The following FRMD5 variants were observed in gnomAD, a reference collection of about 807,000 sequenced individuals.
FRMD5 encodes FERM domain-containing protein 5.
In FRMD5, 20 loss-of-function variants were observed where a neutral mutation model predicts 69.0. The observed-to-expected ratio is 0.29, with a 90% CI of 0.20 to 0.42. FRMD5 has a LOEUF of 0.42. FRMD5 is among the 10% of genes least tolerant of loss of function. The pLI, the probability that FRMD5 is intolerant of heterozygous loss-of-function variation, is 1.00. For missense variants in FRMD5, 595 were observed against 708.6 expected (o/e 0.84, Z 1.82); for synonymous variants, 271 against 260.1 (o/e 1.04, Z -0.40).
rs375125086 is a variant in FRMD5, at chr15:44,006,513, A to G, written c.103-82204T>C. On this transcript the variant is annotated intron_variant, in intron 1 of 13. Coordinates refer to ENST00000417257, the MANE Select transcript of FRMD5 (RefSeq NM_032892.5). Reference sequence around the variant, plus strand: ...ATTTCATAAGACTATAGCTGCATGAATAGTGATTCCTCTGATGGATCTAGG... The same window carrying G: ...ATTTCATAAGACTATAGCTGCATGAGTAGTGATTCCTCTGATGGATCTAGG... Among the ~76,000 whole-genome samples, 6 of 152,380 alleles carry G rather than the reference A, an allele frequency of 3.9e-5. No individual in the cohort carries two copies. The East Asian group carries it at 9.6e-4, about 24-fold the overall frequency.
At position 44,021,276 on chromosome 15, in the gene FRMD5, T is replaced by C. The variant is rs114083515; in HGVS notation, c.103-96967A>G. On this transcript the variant is annotated intron_variant, in intron 1 of 13. Coordinates refer to ENST00000417257, the MANE Select transcript of FRMD5 (RefSeq NM_032892.5). ...ACACCAGCCTGGGCAAGACCCTGTCTCAAATATACATATATATGTAAGTTT... is the reference window on the plus strand; with the variant it reads ...ACACCAGCCTGGGCAAGACCCTGTCCCAAATATACATATATATGTAAGTTT... 4.4e-3 allele frequency among the ~76,000 whole-genome samples: 672 copies of C among 152,282 alleles called. 3 individuals carry two copies. Among genetic ancestry groups the C allele is most frequent in the African/African-American group, 0.016 (645 of 41,546 alleles).
intron 1 of FRMD5, among the ~76,000 whole-genome samples, chr15:44,034,214 ATGT>A (rs2140293465): frequency 6.6e-6 from 1 of 152,350 alleles, no homozygotes; most frequent in Non-Finnish European, 1.5e-5. Flanking sequence ...GTCTAATTGA[ATGT>A]TGTCTACTTG....
intron 1 of FRMD5, among the ~76,000 whole-genome samples, chr15:44,103,078 T>TA (rs1429428983): frequency 2.6e-4 from 39 of 152,150 alleles, no homozygotes; most frequent in Admixed American, 2.4e-3. Context: ...AGGACACACA[T>TA]GGTCAATTAG....
At chr15:44,038,363 C>T (rs868235662) in intron 1 of FRMD5, among the ~76,000 whole-genome samples, 8 of 151,934 alleles carry the variant, frequency 5.3e-5, no homozygotes, top group Middle Eastern at 6.3e-3. Context: ...GAACTCTTTG[C>T]CCATGCTTAT....
chr15:44,085,529 C>T (rs556278784), intron 1 of FRMD5, among the ~76,000 whole-genome samples: 19 of 152,072 alleles, frequency 1.2e-4, no homozygotes, highest in African/African-American at 4.6e-4. Flanking sequence ...CTATGGCAGC[C>T]CTGTGGGTGG....
At chr15:44,084,598 G>T (rs758894421) in intron 1 of FRMD5, among the ~76,000 whole-genome samples, 7 of 151,970 alleles carry the variant, frequency 4.6e-5, no homozygotes, top group Admixed American at 2.6e-4. Flanking sequence ...AACCTTTTTT[G>T]TATATTATCC....
chr15:43,924,093 G>T, intron 2 of FRMD5, 112 bp downstream of exon 2: 1 of 819,002 alleles, frequency 1.2e-6, no homozygotes, highest in Non-Finnish European at 2.1e-6. Flanking sequence ...CAACTGCAGG[G>T]TCTGGTTGGT....
At chr15:44,095,877 A>T (rs925571228) in intron 1 of FRMD5, among the ~76,000 whole-genome samples, 9 of 152,202 alleles carry the variant, frequency 5.9e-5, no homozygotes, top group African/African-American at 2.2e-4. Flanking sequence ...TTCCATCCTT[A>T]ACAGACTCCA....
chr15:44,119,935 G>A (rs1047955508), intron 1 of FRMD5, among the ~76,000 whole-genome samples: 2 of 152,090 alleles, frequency 1.3e-5, no homozygotes, highest in African/African-American at 2.4e-5. Context: ...GCATCTCAGA[G>A]GAAGTAACCA....
intron 1 of FRMD5, among the ~76,000 whole-genome samples, chr15:43,991,726 T>C (rs1312046302): frequency 6.6e-6 from 1 of 152,170 alleles, no homozygotes; most frequent in Non-Finnish European, 1.5e-5. Flanking sequence ...GCCTACCAGG[T>C]AAGGGATTGA....
chr15:43,933,446 T>C (rs907512235), intron 1 of FRMD5, among the ~76,000 whole-genome samples: 1 of 152,224 alleles, frequency 6.6e-6, no homozygotes, highest in Admixed American at 6.5e-5. Context: ...ATAGGTCTGC[T>C]GTGGGGCCTG....
intron 7 of FRMD5, among the ~76,000 whole-genome samples, chr15:43,900,933 G>A (rs140515316): frequency 1.3e-3 from 195 of 152,138 alleles, no homozygotes; most frequent in Non-Finnish European, 2.3e-3. Context: ...TTTGTTATGC[G>A]CTATACACTG....
intron 10 of FRMD5, among the ~76,000 whole-genome samples, chr15:43,886,541 C>T (rs1320395999): frequency 1.3e-5 from 2 of 152,192 alleles, no homozygotes; most frequent in East Asian, 3.9e-4. Context: ...CAGAGAGAAG[C>T]CTCCTAAGAT....
intron 1 of FRMD5, among the ~76,000 whole-genome samples, chr15:44,166,333 C>A (rs1026356850): frequency 6.6e-6 from 1 of 152,048 alleles, no homozygotes; most frequent in African/African-American, 2.4e-5. Context: ...AGGATAGTAA[C>A]CCTTTGGCAT....
intron 1 of FRMD5, among the ~76,000 whole-genome samples, chr15:44,128,934 A>G (rs1482678036): frequency 6.6e-6 from 1 of 152,180 alleles, no homozygotes; most frequent in African/African-American, 2.4e-5. Context: ...TTACTTTTGG[A>G]GAAGGTAGGC....
chr15:43,941,943 TAA>T (rs761892175), intron 1 of FRMD5, among the ~76,000 whole-genome samples: 4 of 152,212 alleles, frequency 2.6e-5, no homozygotes, highest in Non-Finnish European at 4.4e-5. Flanking sequence ...AGAAATATAT[TAA>T]GAGAATTACT....
chr15:44,070,619 G>A (rs776080072), intron 1 of FRMD5, among the ~76,000 whole-genome samples: 64 of 152,106 alleles, frequency 4.2e-4, no homozygotes, highest in Non-Finnish European at 3.7e-4. Flanking sequence ...TGATATATAC[G>A]CCACACTTGA....
chr15:43,925,837 G>A (rs1389222741), intron 1 of FRMD5, among the ~76,000 whole-genome samples: 1 of 152,172 alleles, frequency 6.6e-6, no homozygotes, highest in Non-Finnish European at 1.5e-5. Flanking sequence ...TGAGGACTCA[G>A]CTCAAATGTC....
upstream of FRMD5, among the ~76,000 whole-genome samples, chr15:44,197,077 C>T (rs2078314951): frequency 1.3e-5 from 2 of 151,546 alleles, no homozygotes; most frequent in African/African-American, 2.4e-5. Flanking sequence ...GGCATGCGCC[C>T]GTGGTCCCAG....
Sources: gnomAD v4.1 joint callset for allele counts (sites outside exome capture counted in the v4.1 genomes callset) on GRCh38, gnomAD v4.1.1 for gene constraint, MANE v1.5 for transcripts, NCBI Gene and HGNC (gene_info 2026-07-23, HGNC 2026-07-21) for gene names.